Variants in HHLA1 observed in about 807,000 individuals in gnomAD.
The protein encoded by HHLA1 is HERV-H LTR-associating protein 1.
A neutral mutation model predicts 69.9 loss-of-function variants in HHLA1; 72 were observed. The ratio of observed to expected loss-of-function variants is 1.03; its 90% CI spans 0.85 to 1.25. HHLA1 has a LOEUF of 1.25. HHLA1 is among the 50% of genes most tolerant of loss of function. HHLA1 has a pLI of 0.00. For synonymous variants in HHLA1, 252 were observed against 233.2 expected (o/e 1.08, Z -0.73); for missense variants, 685 against 642.2 (o/e 1.07, Z -0.72).
chr8:132,067,919 G>A (rs1242927042), intron 15 of HHLA1, among the ~76,000 whole-genome samples: 1 of 152,182 alleles, frequency 6.6e-6, no homozygotes, highest in Non-Finnish European at 1.5e-5. Context: ...ACCCAGGCCT[G>A]CCTGGCTTCA....
intron 10 of HHLA1, among the ~76,000 whole-genome samples, chr8:132,084,434 AC>A (rs1823823840): frequency 4.7e-5 from 1 of 21,304 alleles, no homozygotes; most frequent in African/African-American, 1.4e-4. Flanking sequence ...GGGCACAGGG[AC>A]TAGGAAGGAC....
chr8:132,095,597 T>G lies in HHLA1; in HGVS notation c.370A>C (p.Asn124His). The change falls in exon 7 of 17, where the codon AAC (asparagine) becomes CAC (histidine). Residue 124 changes from asparagine (N) to histidine (H), a missense_variant. By Grantham distance (68) the Asn-to-His change is moderately conservative. Transcript: ENST00000414222. ...KFSVAVYNIS[N>H]LKTVDPAKFP... is the part of the protein sequence containing the mutation. ...TTGGCGGGGTCTACTGTCTTCAGGT[T>G]AGAAACTGTGAAGAGAAAGGATTCA... 1.9e-6 allele frequency: 3 copies of G among 1,546,698 alleles called. No homozygotes were observed. The highest frequency in any genetic ancestry group is 2.6e-6 in the Non-Finnish European group (3 of 1,142,406).
At chr8:132,086,697 T>G (rs1163401665) in intron 10 of HHLA1, among the ~76,000 whole-genome samples, 1 of 152,196 alleles carries the variant, frequency 6.6e-6, no homozygotes, top group Non-Finnish European at 1.5e-5. Context: ...CCCTAAGATC[T>G]GTCCTGAGAA....
intron 1 of HHLA1, among the ~76,000 whole-genome samples, chr8:132,107,850 A>C (rs1293030314): frequency 6.6e-6 from 1 of 152,232 alleles, no homozygotes; most frequent in Non-Finnish European, 1.5e-5. Flanking sequence ...AGAGAGTTTT[A>C]TAAAGGAACA....
chr8:132,077,651 TAG>T (rs1239288169), intron 12 of HHLA1, 73 bp downstream of exon 12: 12 of 1,459,028 alleles, frequency 8.2e-6, no homozygotes, highest in Admixed American at 2.2e-5. Context: ...TCCAAAAATT[TAG>T]AAAGTTTATC....
chr8:132,088,343 T>TAAAAA (rs1823895107), intron 8 of HHLA1, among the ~76,000 whole-genome samples: 1 of 152,232 alleles, frequency 6.6e-6, no homozygotes, highest in Non-Finnish European at 1.5e-5. Context: ...ATAGTTTTTA[T>TAAAAA]CTATCCTACT....
rs1227242198 is a variant in HHLA1 at position 132,095,588 on chromosome 8, T to C, written c.379A>G (p.Thr127Ala). 6.5e-6 allele frequency: 10 copies of C among 1,548,048 alleles called. No individual in the cohort carries two copies. The highest frequency in any genetic ancestry group is 2.6e-6 in the Non-Finnish European group (3 of 1,143,704). The change falls in exon 7 of 17, where the codon ACA (threonine) becomes GCA (alanine). Residue 127 changes from threonine (T) to alanine (A), a missense_variant. Thr to Ala is a moderately conservative substitution (Grantham distance 58, BLOSUM62 0). Coordinates refer to ENST00000414222, the MANE Select transcript of HHLA1 (RefSeq NM_001145095.3). ...GTGGGGAATTTGGCGGGGTCTACTG[T>C]CTTCAGGTTAGAAACTGTGAAGAGA... ...VAVYNISNLK[T>A]VDPAKFPTRY...
In HHLA1 at chr8:132,100,094, C is replaced by T. The variant is rs1358994256; in HGVS notation, c.180G>A (p.Val60=). The T allele has an allele frequency of 1.3e-6, 2 of 1,551,528 alleles. No homozygotes were observed. The highest frequency in any genetic ancestry group is 1.7e-6 in the Non-Finnish European group (2 of 1,146,866). ...LREEERKEKG[V]AFLATTELPA... ...ACTCACCCGTCGTAGCAAGAAATGCCACCCCCTTCTCCTTCCTCTCTTCTT... is the reference window on the plus strand; with the variant it reads ...ACTCACCCGTCGTAGCAAGAAATGCTACCCCCTTCTCCTTCCTCTCTTCTT... The change falls in exon 4 of 17, where the codon GTG becomes GTA. Residue 60 remains valine, a synonymous_variant. Coordinates refer to ENST00000414222, the MANE Select transcript of HHLA1 (RefSeq NM_001145095.3).
Position 132,077,833 on chromosome 8 carries a change from G to T in HHLA1, c.1064C>A (p.Pro355Gln), listed in dbSNP as rs879478994. Reference sequence around the variant, plus strand: ...GGCTTCCTCGGTCCCTGCAGTAGTCGGTGGGGAAGAACGAGTTTCCCAGAG... The same window carrying T: ...GGCTTCCTCGGTCCCTGCAGTAGTCTGTGGGGAAGAACGAGTTTCCCAGAG... ...GSLWETRSSP[P>Q]TTAGTEEAMN... is the part of the protein sequence containing the mutation. The change falls in exon 12 of 17, where the codon CCG (proline) becomes CAG (glutamine). Residue 355 changes from proline (P) to glutamine (Q), a missense_variant. Pro to Gln is a moderately conservative substitution (Grantham distance 76). Coordinates refer to ENST00000414222, the MANE Select transcript of HHLA1 (RefSeq NM_001145095.3). 7.1e-6 allele frequency: 11 copies of T among 1,551,406 alleles called. No individual in the cohort carries two copies. The Admixed American group carries it at 1.2e-4, about 17-fold the overall frequency.
intron 14 of HHLA1, among the ~76,000 whole-genome samples, chr8:132,075,360 C>G (rs181444390): frequency 6.6e-6 from 1 of 152,172 alleles, no homozygotes; most frequent in African/African-American, 2.4e-5. Context: ...GTATCCATTT[C>G]TTTCTTATGG....
intron 1 of HHLA1, among the ~76,000 whole-genome samples, chr8:132,107,150 A>G (rs767117408): frequency 4.4e-4 from 67 of 152,134 alleles, no homozygotes; most frequent in Non-Finnish European, 8.2e-4. Flanking sequence ...ATACCAGAGA[A>G]ATACGGAATT....
chr8:132,070,500 A>G (rs1353197304), intron 15 of HHLA1: 2 of 637,002 alleles, frequency 3.1e-6, no homozygotes, highest in Admixed American at 2.5e-5. Flanking sequence ...CCATAATTCT[A>G]CTTAACATGA....
intron 7 of HHLA1, among the ~76,000 whole-genome samples, chr8:132,094,780 C>T (rs1823996546): frequency 6.6e-6 from 1 of 152,176 alleles, no homozygotes; most frequent in Non-Finnish European, 1.5e-5. Context: ...CCCACGGGAG[C>T]AGGAGGTGTG....
At position 132,077,721 on chromosome 8, in the gene HHLA1, C is replaced by G. The variant is rs923630719; in HGVS notation, c.1171+5G>C. The G allele has an allele frequency of 6.4e-7, 1 of 1,551,180 alleles. No individual in the cohort carries two copies. The highest frequency in any genetic ancestry group is 8.7e-7 in the Non-Finnish European group (1 of 1,146,674). On this transcript the variant is annotated splice_donor_5th_base_variant and intron_variant, in intron 12 of 16. Transcript: ENST00000414222. ...GGAGAGGTAGAAGTGAGCACCCTCT[C>G]TTACCCAAGGTAGGGCTGGCCTGGG...
intron 7 of HHLA1, among the ~76,000 whole-genome samples, chr8:132,091,574 T>C (rs528558586): frequency 3.3e-5 from 5 of 152,372 alleles, no homozygotes; most frequent in East Asian, 3.9e-4. Context: ...CCAGTTATTA[T>C]TAACTCAAAG....
chr8:132,089,677 A>G, intron 7 of HHLA1, 78 bp from the exon 8 acceptor site: 1 of 756,276 alleles, frequency 1.3e-6, no homozygotes, highest in Non-Finnish European at 2.3e-6. Flanking sequence ...TGGATTTTTC[A>G]GAGTAAATTT....
intron 2 of HHLA1, 86 bp downstream of exon 2, chr8:132,105,101 G>A: frequency 4.1e-6 from 4 of 973,202 alleles, no homozygotes; most frequent in Admixed American, 2.1e-5. Flanking sequence ...GGGCAGAAAT[G>A]TTGGCTGCTG....
chr8:132,070,424 A>C, intron 15 of HHLA1: 3 of 700,762 alleles, frequency 4.3e-6, no homozygotes, highest in Non-Finnish European at 7.8e-6. Context: ...CTCTCCTAGC[A>C]AATCTCGCCA....
chr8:132,096,288 G>A (rs1372987180), intron 5 of HHLA1, among the ~76,000 whole-genome samples: 2 of 152,166 alleles, frequency 1.3e-5, no homozygotes, highest in East Asian at 3.9e-4. Context: ...TTTCTTCTGT[G>A]TGTGTCTCCT....
Sources: allele counts gnomAD v4.1 joint callset (sites outside exome capture counted in the v4.1 genomes callset), GRCh38; gene constraint gnomAD v4.1.1; transcripts MANE v1.5; gene names NCBI Gene and HGNC (gene_info 2026-07-23, HGNC 2026-07-21).